KCNJ15: variants seen among roughly 807,000 people sequenced by gnomAD.
KCNJ15 encodes the protein ATP-sensitive inward rectifier potassium channel 15.
KCNJ15 carries 14 observed loss-of-function variants against 23.0 expected under a neutral mutation model. That is an observed-to-expected ratio of 0.61 (90% CI 0.40 to 0.95). KCNJ15 has a LOEUF of 0.95. KCNJ15 is among the 40% of genes least tolerant of loss of function. The pLI, the probability that KCNJ15 is intolerant of heterozygous loss-of-function variation, is 0.00. For synonymous variants in KCNJ15, 185 were observed against 183.2 expected (o/e 1.01, Z -0.08); for missense variants, 388 against 461.8 (o/e 0.84, Z 1.46).
At chr21:38,253,476 C>A (rs1180613673), upstream of KCNJ15, among the ~76,000 whole-genome samples, 1 of 152,174 alleles carries the variant, frequency 6.6e-6, no homozygotes, top group East Asian at 1.9e-4. Flanking sequence ...CTGGCCATAT[C>A]ATGATGCACC....
chr21:38,251,194 T>C (rs1386405092), intron 1 of KCNJ15, among the ~76,000 whole-genome samples: 5 of 152,226 alleles, frequency 3.3e-5, no homozygotes, highest in African/African-American at 1.2e-4. Flanking sequence ...CAGCCCACAC[T>C]GTCAACAGTG....
chr21:38,279,766 G>C (rs1261784631), intron 1 of KCNJ15, among the ~76,000 whole-genome samples: 1 of 152,098 alleles, frequency 6.6e-6, no homozygotes, highest in Non-Finnish European at 1.5e-5. Flanking sequence ...ATTCTATTTA[G>C]ACAAACTCAT....
chr21:38,251,391 G>T (rs78898801), intron 1 of KCNJ15, among the ~76,000 whole-genome samples: 10,163 of 152,196 alleles, frequency 0.067, 824 homozygotes, highest in African/African-American at 0.19. Context: ...TCACCGTTGG[G>T]TTCATGTCAG....
chr21:38,278,000 A>G (rs1018503682), intron 1 of KCNJ15, among the ~76,000 whole-genome samples: 1 of 152,192 alleles, frequency 6.6e-6, no homozygotes, highest in Non-Finnish European at 1.5e-5. Flanking sequence ...ACTTCTAGGG[A>G]ACACTGACTT....
chr21:38,252,700 A>T (rs1186773734), upstream of KCNJ15, among the ~76,000 whole-genome samples: 1 of 152,148 alleles, frequency 6.6e-6, no homozygotes, highest in Non-Finnish European at 1.5e-5. Flanking sequence ...GTGGAGGAGG[A>T]TGGGAATATT....
intron 1 of KCNJ15, chr21:38,238,688 C>T (rs1234696114): frequency 4.2e-6 from 2 of 471,726 alleles, no homozygotes; most frequent in Admixed American, 5.9e-5. Context: ...GTTTTAAACT[C>T]TAGGAGGAAT....
chr21:38,232,032 T>A (rs1278610741), intron 1 of KCNJ15, among the ~76,000 whole-genome samples: 2 of 151,832 alleles, frequency 1.3e-5, no homozygotes, highest in African/African-American at 4.8e-5. Flanking sequence ...TAATAATCAT[T>A]TGAATAAATA....
At chr21:38,232,451 G>A (rs1371683777) in intron 1 of KCNJ15, among the ~76,000 whole-genome samples, 2 of 151,640 alleles carry the variant, frequency 1.3e-5, no homozygotes, top group African/African-American at 2.4e-5. Context: ...GCATTAATTA[G>A]TGCTCTATTT....
At chr21:38,268,435 TA>T (rs11323053) in intron 1 of KCNJ15, among the ~76,000 whole-genome samples, 120,832 of 151,130 alleles carry the variant, frequency 0.8, 48,935 homozygotes, top group African/African-American at 0.93. Context: ...GTGGATTTTT[TA>T]AAAAAAATAT....
chr21:38,231,799 T>C (rs990938307), intron 1 of KCNJ15, among the ~76,000 whole-genome samples: 1 of 151,930 alleles, frequency 6.6e-6, no homozygotes, highest in Non-Finnish European at 1.5e-5. Context: ...CAGCATTATA[T>C]TTCTGAGATA....
At chr21:38,234,191 C>G (rs532197497) in intron 1 of KCNJ15, among the ~76,000 whole-genome samples, 1 of 152,328 alleles carries the variant, frequency 6.6e-6, no homozygotes, top group Admixed American at 6.5e-5. Context: ...AACCTGCGGC[C>G]TGGGGACCAC....
At chr21:38,237,606 CG>C (rs995272484) in intron 1 of KCNJ15, among the ~76,000 whole-genome samples, 1 of 152,000 alleles carries the variant, frequency 6.6e-6, no homozygotes, top group Non-Finnish European at 1.5e-5. Context: ...TGGAGGTGAG[CG>C]GGGGGGCAGG....
chr21:38,237,633 G>A (rs562271522), intron 1 of KCNJ15, among the ~76,000 whole-genome samples: 5 of 152,322 alleles, frequency 3.3e-5, no homozygotes, highest in African/African-American at 1.2e-4. Flanking sequence ...GACTCTGCCA[G>A]CCCAGCCATC....
chr21:38,259,004 CGT>C lies in KCNJ15; in HGVS notation c.-117+1837_-117+1838del, dbSNP rs141128448. Among the ~76,000 whole-genome samples the C allele has an allele frequency of 1.0e-3, 153 of 149,314 alleles. 1 individual carries two copies. The highest frequency in any genetic ancestry group is 1.0e-2 in the East Asian group (51 of 5,114). On this transcript the variant is annotated intron_variant, in intron 1 of 2. Transcript: ENST00000398938. ...TCGAAAGGGCTGTGCTTTCTTGGGG[CGT>C]GTGTGTGTGTGTGTGTGCGCGTGTG...
chr21:38,295,310 A>G (rs1410142817), intron 1 of KCNJ15, among the ~76,000 whole-genome samples: 2 of 152,250 alleles, frequency 1.3e-5, no homozygotes, highest in South Asian at 4.1e-4. Flanking sequence ...CAGCATTCCT[A>G]CACATGGTGT....
chr21:38,269,737 C>G (rs1981883746), intron 1 of KCNJ15, among the ~76,000 whole-genome samples: 1 of 152,166 alleles, frequency 6.6e-6, no homozygotes, highest in Non-Finnish European at 1.5e-5. Context: ...CCACAATACT[C>G]TCTGAAACCA....
At chr21:38,274,592 A>T (rs922772312) in intron 1 of KCNJ15, among the ~76,000 whole-genome samples, 4 of 152,140 alleles carry the variant, frequency 2.6e-5, no homozygotes, top group African/African-American at 9.7e-5. Context: ...ATGTGCAATA[A>T]ATATATCCTT....
At chr21:38,292,386 A>G (rs1460961441) in intron 1 of KCNJ15, among the ~76,000 whole-genome samples, 10 of 152,164 alleles carry the variant, frequency 6.6e-5, no homozygotes, top group Non-Finnish European at 1.2e-4. Flanking sequence ...CAGTGTGTCT[A>G]TGTGATTACA....
intron 1 of KCNJ15, among the ~76,000 whole-genome samples, chr21:38,257,785 G>C (rs1377662280): frequency 6.6e-6 from 1 of 152,174 alleles, no homozygotes; most frequent in Non-Finnish European, 1.5e-5. Context: ...ATAATTTCAT[G>C]AGAGTTTAGA....
Sources: gnomAD v4.1 joint callset for allele counts (sites outside exome capture counted in the v4.1 genomes callset) on GRCh38, gnomAD v4.1.1 for gene constraint, MANE v1.5 for transcripts, NCBI Gene and HGNC (gene_info 2026-07-23, HGNC 2026-07-21) for gene names.